The following OR2F1 variants were observed in gnomAD, a reference collection of about 807,000 sequenced individuals.
OR2F1 encodes olfactory receptor family 2 subfamily F member 1, also known as olfactory receptor 2F1.
For missense variants in OR2F1, 389 were observed against 378.2 expected, an observed-to-expected ratio of 1.03 and a Z score of -0.24; for synonymous variants, 146 against 155.3, an observed-to-expected ratio of 0.94 and a Z score of 0.44.
intron 1 of OR2F1, among the ~76,000 whole-genome samples, chr7:143,955,304 T>A (rs1340726166): frequency 6.6e-6 from 1 of 152,206 alleles, no homozygotes; most frequent in African/African-American, 2.4e-5. Context: ...CTGATTTTTT[T>A]CCTGTAATTT....
chr7:143,959,300 T>C (rs2050307335), intron 2 of OR2F1, among the ~76,000 whole-genome samples, 192 bp downstream of exon 2: 4 of 152,172 alleles, frequency 2.6e-5, no homozygotes, highest in Admixed American at 2.6e-4. Flanking sequence ...GTAATTATTA[T>C]AGCTAGAAAT....
rs2050312821 is a variant in OR2F1 at position 143,960,064 on chromosome 7, T to G, written c.94T>G (p.Leu32Val). 3 of 1,614,200 alleles carry G rather than the reference T, an allele frequency of 1.9e-6. No homozygotes were observed. The highest frequency in any genetic ancestry group is 2.7e-5 in the African/African-American group (2 of 75,040). ...TCGGGTCTCCCTGTTTGTCCTGTTC[T>G]TGGTCATGTATGTGGTGACCGTGCT... ...DTRVSLFVLF[L>V]VMYVVTVLGN... Residue 32 changes from leucine to valine, a missense_variant, in exon 3 of 3, where the codon TTG (leucine) becomes GTG (valine). By Grantham distance (32) the Leu-to-Val change is conservative. Coordinates refer to ENST00000641412, the MANE Select transcript of OR2F1 (RefSeq NM_012369.3).
intron 1 of OR2F1, among the ~76,000 whole-genome samples, chr7:143,956,517 C>A (rs150292664): frequency 6.6e-6 from 1 of 151,918 alleles, no homozygotes; most frequent in Admixed American, 6.6e-5. Context: ...GTATTAGCAG[C>A]CTATTTTAAT....
At position 143,960,056 on chromosome 7, in the gene OR2F1, T is replaced by C. The variant is rs746750385; in HGVS notation, c.86T>C (p.Val29Ala). The change falls in exon 3 of 3, where the codon GTC becomes GCC. Residue 29 changes from valine (V) to alanine (A), a missense_variant. Coordinates refer to ENST00000641412, the MANE Select transcript of OR2F1 (RefSeq NM_012369.3). ...SDWDTRVSLF[V>A]LFLVMYVVTV... ...TGGGACACTCGGGTCTCCCTGTTTG[T>C]CCTGTTCTTGGTCATGTATGTGGTG... is the stretch of plus-strand genomic sequence containing the variant. 11 of 1,614,082 alleles carry C rather than the reference T, an allele frequency of 6.8e-6. No homozygotes were observed. Among genetic ancestry groups the C allele is most frequent in the Non-Finnish European group, 9.3e-6 (11 of 1,180,038 alleles).
chr7:143,960,827 A>G lies in OR2F1; in HGVS notation c.857A>G (p.Asn286Ser), dbSNP rs199515770. The G allele has an allele frequency of 1.1e-4, 174 of 1,613,986 alleles. No individual in the cohort carries two copies. Among genetic ancestry groups the G allele is most frequent in the South Asian group, 7.5e-4 (68 of 91,070 alleles). ...TATGCCATTTTAACACCAATGCTGA[A>G]CCCCATGATTTACAGCCTAAGGAAT... ...VFYAILTPMLNPMIYSLRNKE... is the reference protein window; with the variant it reads ...VFYAILTPMLSPMIYSLRNKE... The change falls in exon 3 of 3, where the codon AAC (asparagine) becomes AGC (serine). Residue 286 changes from asparagine (N) to serine (S), a missense_variant. Coordinates refer to ENST00000641412, the MANE Select transcript of OR2F1 (RefSeq NM_012369.3).
At position 143,960,085 on chromosome 7, in the gene OR2F1, G is replaced by C. The variant is rs141187562; in HGVS notation, c.115G>C (p.Val39Leu). ...GTTCTTGGTCATGTATGTGGTGACC[G>C]TGCTGGGGAACTGTCTCATTGTCCT... ...VLFLVMYVVT[V>L]LGNCLIVLLI... Residue 39 changes from valine (V) to leucine (L), a missense_variant, in exon 3 of 3, where the codon GTG becomes CTG. Val to Leu is a conservative substitution (Grantham distance 32). Transcript: ENST00000641412. 6 of 1,614,136 alleles carry C rather than the reference G, an allele frequency of 3.7e-6. No homozygotes were observed. Among genetic ancestry groups the C allele is most frequent in the South Asian group, 2.2e-5 (2 of 91,082 alleles).
At position 143,960,803 on chromosome 7, in the gene OR2F1, A is replaced by G; in HGVS notation, c.833A>G (p.Tyr278Cys). ...CAGGAGAAGTTGTTCTCTGTCTTTT[A>G]TGCCATTTTAACACCAATGCTGAAC... Reference protein sequence around the residue: ...VLQEKLFSVFYAILTPMLNPM... With the variant: ...VLQEKLFSVFCAILTPMLNPM... Residue 278 changes from tyrosine to cysteine, a missense_variant, in exon 3 of 3, where the codon TAT becomes TGT. Transcript: ENST00000641412. The G allele has an allele frequency of 1.2e-6, 2 of 1,614,062 alleles. No individual in the cohort carries two copies. The highest frequency in any genetic ancestry group is 1.7e-6 in the Non-Finnish European group (2 of 1,180,002).
rs2050350292 is a variant in OR2F1, at chr7:143,963,921, C to G, written c.*2997C>G. ...AGTCCACTGACTCAGATGTTAATCTCCTTTGGCATCACCTCCATAGACACA... is the reference window on the plus strand; with the variant it reads ...AGTCCACTGACTCAGATGTTAATCTGCTTTGGCATCACCTCCATAGACACA... On this transcript the variant is annotated 3_prime_UTR_variant, in exon 3 of 3. Transcript: ENST00000641412. 2 of 152,150 alleles carry G rather than the reference C, an allele frequency of 1.3e-5. No homozygotes were observed. Among genetic ancestry groups the G allele is most frequent in the Admixed American group, 1.3e-4 (2 of 15,262 alleles). The allele number at this position is 152,150 out of a possible 1,614,324, so 9.4% of individuals were successfully genotyped here.
chr7:143,960,089 T>G lies in OR2F1; in HGVS notation c.119T>G (p.Leu40Arg). 1 of 1,614,204 alleles carries G rather than the reference T, an allele frequency of 6.2e-7. No individual in the cohort carries two copies. The highest frequency in any genetic ancestry group is 8.5e-7 in the Non-Finnish European group (1 of 1,180,050). ...LFLVMYVVTV[L>R]GNCLIVLLIR... Reference sequence around the variant, plus strand: ...TTGGTCATGTATGTGGTGACCGTGCTGGGGAACTGTCTCATTGTCCTTCTG... The same window carrying G: ...TTGGTCATGTATGTGGTGACCGTGCGGGGGAACTGTCTCATTGTCCTTCTG... Residue 40 changes from leucine (L) to arginine (R), a missense_variant, in exon 3 of 3, where the codon CTG (leucine) becomes CGG (arginine). Coordinates refer to ENST00000641412, the MANE Select transcript of OR2F1 (RefSeq NM_012369.3).
chr7:143,960,445 C>T lies in OR2F1; in HGVS notation c.475C>T (p.Gln159Ter). 1.9e-6 allele frequency: 3 copies of T among 1,614,184 alleles called. No individual in the cohort carries two copies. Among genetic ancestry groups the T allele is most frequent in the Non-Finnish European group, 2.5e-6 (3 of 1,180,038 alleles). The change falls in exon 3 of 3, where the codon CAG becomes TAG. Residue 159 changes from glutamine to a stop codon, truncating the protein, a stop_gained. Transcript: ENST00000641412. LOFTEE classifies it low-confidence loss of function (END_TRUNC). ...WVSGFISSPVQTAITFQLPMC... is the reference protein window; with the variant it reads ...WVSGFISSPV ...CAGTGGCTTCATCAGCTCTCCTGTG[C>T]AGACTGCTATCACCTTTCAGCTGCC...
Position 143,960,379 on chromosome 7 carries a change from C to T in OR2F1, c.409C>T (p.His137Tyr), listed in dbSNP as rs1474111018. The T allele has an allele frequency of 1.9e-6, 3 of 1,614,154 alleles. No homozygotes were observed. Among genetic ancestry groups the T allele is most frequent in the African/African-American group, 1.3e-5 (1 of 75,028 alleles). The change falls in exon 3 of 3, where the codon CAT (histidine) becomes TAT (tyrosine). Residue 137 changes from histidine (H) to tyrosine (Y), a missense_variant. By Grantham distance (83) the His-to-Tyr change is moderately conservative (BLOSUM62 2). Transcript: ENST00000641412. Reference sequence around the variant, plus strand: ...TGCCCTGCGATACTCGGCCATCATGCATGGAGGGCTGTGTGCTAGGTTGGC... The same window carrying T: ...TGCCCTGCGATACTCGGCCATCATGTATGGAGGGCTGTGTGCTAGGTTGGC... Reference protein sequence around the residue: ...CDALRYSAIMHGGLCARLAIT... With the variant: ...CDALRYSAIMYGGLCARLAIT...
Position 143,960,512 on chromosome 7 carries a change from T to C in OR2F1, c.542T>C (p.Leu181Pro), listed in dbSNP as rs562081819. Residue 181 changes from leucine to proline, a missense_variant, in exon 3 of 3, where the codon CTC (leucine) becomes CCC (proline). Leu to Pro is a moderately conservative substitution (Grantham distance 98). Transcript: ENST00000641412. ...NKFIDHISCE[L>P]LAVVRLACVD... ...TTTATTGATCACATATCCTGTGAAC[T>C]CCTAGCTGTGGTCAGGCTGGCTTGT... is the stretch of plus-strand genomic sequence containing the variant. The C allele has an allele frequency of 1.9e-6, 3 of 1,614,206 alleles. No individual in the cohort carries two copies. The African/African-American group carries it at 4.0e-5, about 22-fold the overall frequency.
In OR2F1 at chr7:143,960,428, T is replaced by C. The variant is rs746032368; in HGVS notation, c.458T>C (p.Phe153Ser). 2.5e-6 allele frequency: 4 copies of C among 1,614,176 alleles called. No individual in the cohort carries two copies. The highest frequency in any genetic ancestry group is 1.7e-5 in the Admixed American group (1 of 60,022). ...RLAITSWVSG[F>S]ISSPVQTAIT... ...GCCATCACATCCTGGGTCAGTGGCT[T>C]CATCAGCTCTCCTGTGCAGACTGCT... The change falls in exon 3 of 3, where the codon TTC (phenylalanine) becomes TCC (serine). Residue 153 changes from phenylalanine (F) to serine (S), a missense_variant. Coordinates refer to ENST00000641412, the MANE Select transcript of OR2F1 (RefSeq NM_012369.3).
chr7:143,960,124 G>C lies in OR2F1; in HGVS notation c.154G>C (p.Asp52His). 6.2e-7 allele frequency: 1 copy of C among 1,613,990 alleles called. No homozygotes were observed. Among genetic ancestry groups the C allele is most frequent in the Non-Finnish European group, 8.5e-7 (1 of 1,180,008 alleles). Residue 52 changes from aspartate to histidine, a missense_variant, in exon 3 of 3, where the codon GAC (aspartate) becomes CAC (histidine). Transcript: ENST00000641412. ...TCTCATTGTCCTTCTGATCAGACTG[G>C]ACAGCCGACTCCACACTCCCATGTA... is the stretch of plus-strand genomic sequence containing the variant. ...NCLIVLLIRL[D>H]SRLHTPMYFF...
At chr7:143,958,117 C>T (rs537564641) in intron 1 of OR2F1, among the ~76,000 whole-genome samples, 9 of 152,174 alleles carry the variant, frequency 5.9e-5, no homozygotes, top group South Asian at 2.1e-4. Context: ...GTCAGCTCTC[C>T]GTGAAAATTA....
At position 143,959,932 on chromosome 7, in the gene OR2F1, C is replaced by CTG; in HGVS notation, c.-23-15_-23-14dup. On this transcript the variant is annotated splice_polypyrimidine_tract_variant and intron_variant, in intron 2 of 2. Transcript: ENST00000641412. The stretch of plus-strand genomic sequence containing the variant: ...GTTATTCAACAGCTTCTGTTTTTTT[C>CTG]TGACTCCCTTCACAGATTAATAATC... 1.4e-6 allele frequency: 2 copies of CTG among 1,465,208 alleles called. No individual in the cohort carries two copies. The highest frequency in any genetic ancestry group is 1.9e-6 in the Non-Finnish European group (2 of 1,078,562). 90.8% of individuals were successfully genotyped at this position (1,465,208 alleles called of 1,614,324 possible).
Position 143,962,797 on chromosome 7 carries a change from A to G in OR2F1, c.*1873A>G, listed in dbSNP as rs1344732562. The stretch of plus-strand genomic sequence containing the variant: ...TTTTAACTTTATTCTAATAGAAAAC[A>G]ATAGTCCGTCAAAAATTTTTAGAAG... On this transcript the variant is annotated 3_prime_UTR_variant, in exon 3 of 3. Coordinates refer to ENST00000641412, the MANE Select transcript of OR2F1 (RefSeq NM_012369.3). 1 of 152,212 alleles carries G rather than the reference A, an allele frequency of 6.6e-6. No homozygotes were observed. Among genetic ancestry groups the G allele is most frequent in the Non-Finnish European group, 1.5e-5 (1 of 68,040 alleles). 9.4% of individuals were successfully genotyped at this position (152,212 alleles called of 1,614,324 possible).
chr7:143,960,891 A>G lies in OR2F1; in HGVS notation c.921A>G (p.Lys307=). The G allele has an allele frequency of 1.9e-6, 3 of 1,612,198 alleles. No homozygotes were observed. Among genetic ancestry groups the G allele is most frequent in the Non-Finnish European group, 2.5e-6 (3 of 1,179,186 alleles). ...GGGCCTGGCAGAAACTATTATGGAAATTCTCTGGGTTAACATCAAAGCTGG... is the reference window on the plus strand; with the variant it reads ...GGGCCTGGCAGAAACTATTATGGAAGTTCTCTGGGTTAACATCAAAGCTGG... ...VKGAWQKLLW[K]FSGLTSKLAT Residue 307 remains lysine (K), a synonymous_variant, in exon 3 of 3, where the codon AAA becomes AAG. Coordinates refer to ENST00000641412, the MANE Select transcript of OR2F1 (RefSeq NM_012369.3).
In OR2F1 at chr7:143,964,292, A is replaced by G. The variant is rs1262501363; in HGVS notation, c.*3368A>G. On this transcript the variant is annotated 3_prime_UTR_variant, in exon 3 of 3. Transcript: ENST00000641412. Reference sequence around the variant, plus strand: ...TTAAAAAGACACTGAAAAGTATTTGAAAATAAAATATTTTTCATTAGTTAA... The same window carrying G: ...TTAAAAAGACACTGAAAAGTATTTGGAAATAAAATATTTTTCATTAGTTAA... The G allele has an allele frequency of 6.6e-6, 1 of 152,172 alleles. No homozygotes were observed. Among genetic ancestry groups the G allele is most frequent in the African/African-American group, 2.4e-5 (1 of 41,438 alleles). The allele number at this position is 152,172 out of a possible 1,614,324, so 9.4% of individuals were successfully genotyped here. A position where few individuals can be genotyped will look rare whatever the true frequency, so the allele number is the denominator to read the frequency against.
Sources: gnomAD v4.1 joint callset for allele counts (sites outside exome capture counted in the v4.1 genomes callset) on GRCh38, gnomAD v4.1.1 for gene constraint, MANE v1.5 for transcripts, NCBI Gene and HGNC (gene_info 2026-07-23, HGNC 2026-07-21) for gene names.